Variants in PTPRT observed in about 807,000 individuals in gnomAD.
PTPRT encodes protein tyrosine phosphatase receptor type T.
In PTPRT, 56 loss-of-function variants were observed where a neutral mutation model predicts 176.8. That is an observed-to-expected ratio of 0.32 (90% CI 0.26 to 0.40). PTPRT has a LOEUF of 0.40. PTPRT is among the 10% of genes least tolerant of loss of function. The pLI is 1.00. For missense variants in PTPRT, 1,540 were observed against 1,908.2 expected (o/e 0.81, Z 3.60); for synonymous variants, 783 against 739.0 (o/e 1.06, Z -0.96).
At chr20:43,154,306 T>G (rs1242260265) in intron 1 of PTPRT, among the ~76,000 whole-genome samples, 2 of 152,198 alleles carry the variant, frequency 1.3e-5, no homozygotes, top group Non-Finnish European at 2.9e-5. Flanking sequence ...CTCTTGGCAC[T>G]TTTGTTGAAA....
At chr20:43,067,844 T>G (rs1485592923) in intron 1 of PTPRT, among the ~76,000 whole-genome samples, 1 of 145,824 alleles carries the variant, frequency 6.9e-6, no homozygotes, top group Non-Finnish European at 1.5e-5. Flanking sequence ...CACCCACCTG[T>G]AGACCCAGCT....
chr20:42,584,659 T>G (rs2073440699), intron 7 of PTPRT, among the ~76,000 whole-genome samples: 1 of 152,180 alleles, frequency 6.6e-6, no homozygotes, highest in South Asian at 2.1e-4. Flanking sequence ...TATTGTCTAT[T>G]TAGACCTCCT....
At chr20:43,058,225 GA>G (rs1264076486) in intron 1 of PTPRT, among the ~76,000 whole-genome samples, 6 of 151,610 alleles carry the variant, frequency 4.0e-5, no homozygotes, top group South Asian at 4.2e-4. Flanking sequence ...AAGAGGGGAG[GA>G]AAAAAAGAGC....
chr20:42,342,100 A>G (rs2058120476), intron 11 of PTPRT, among the ~76,000 whole-genome samples: 1 of 152,202 alleles, frequency 6.6e-6, no homozygotes, highest in Admixed American at 6.5e-5. Context: ...TTTCCTGAAC[A>G]ATCATCTAAT....
intron 12 of PTPRT, among the ~76,000 whole-genome samples, chr20:42,303,083 T>C (rs929405998): frequency 1.3e-5 from 2 of 152,148 alleles, no homozygotes; most frequent in Admixed American, 1.3e-4. Context: ...GACTTAGACT[T>C]TCTATTAGGA....
chr20:43,170,238 C>G (rs916463973), intron 1 of PTPRT, among the ~76,000 whole-genome samples: 1 of 152,014 alleles, frequency 6.6e-6, no homozygotes, highest in Non-Finnish European at 1.5e-5. Context: ...ATCATTTCCA[C>G]ACTATTTATT....
chr20:42,582,591 T>C (rs1305920723), intron 7 of PTPRT, among the ~76,000 whole-genome samples: 1 of 152,110 alleles, frequency 6.6e-6, no homozygotes, highest in African/African-American at 2.4e-5. Context: ...TGCAATCTGT[T>C]CACAAAAAGA....
At chr20:42,056,058 C>T in the PTPRT span, among the ~76,000 whole-genome samples, 2 of 152,172 alleles carry the variant, frequency 1.3e-5, no homozygotes, top group African/African-American at 4.8e-5. Context: ...TATCGTTCCT[C>T]TGAGGTCCTG....
At chr20:42,903,006 G>A (rs2079425795) in intron 1 of PTPRT, among the ~76,000 whole-genome samples, 1 of 152,138 alleles carries the variant, frequency 6.6e-6, no homozygotes, top group African/African-American at 2.4e-5. Flanking sequence ...ATACTAGTAG[G>A]GGAGATCAAC....
chr20:42,717,606 G>T (rs2076244859), intron 6 of PTPRT, among the ~76,000 whole-genome samples: 1 of 151,730 alleles, frequency 6.6e-6, no homozygotes, highest in African/African-American at 2.4e-5. Flanking sequence ...TTATTGTGGG[G>T]AACACAAGTA....
the PTPRT span, among the ~76,000 whole-genome samples, chr20:42,044,597 A>C: frequency 6.6e-6 from 1 of 152,256 alleles, no homozygotes; most frequent in Non-Finnish European, 1.5e-5. Context: ...TTATTAATAA[A>C]GAAGTTGATG....
intron 8 of PTPRT, among the ~76,000 whole-genome samples, chr20:42,454,365 G>T (rs1478380138): frequency 1.3e-5 from 2 of 152,152 alleles, no homozygotes; most frequent in African/African-American, 2.4e-5. Flanking sequence ...GGAAGAGAGG[G>T]TCTATTCCTA....
intron 7 of PTPRT, among the ~76,000 whole-genome samples, chr20:42,529,253 G>T (rs545105618): frequency 1.3e-5 from 2 of 152,084 alleles, no homozygotes; most frequent in African/African-American, 4.8e-5. Flanking sequence ...TTAAAAATCC[G>T]CTTGGTAAAG....
intron 8 of PTPRT, among the ~76,000 whole-genome samples, chr20:42,461,611 C>T (rs1228076752): frequency 2.0e-5 from 3 of 152,112 alleles, no homozygotes; most frequent in Non-Finnish European, 4.4e-5. Flanking sequence ...AAGCAAAGTA[C>T]AAAAAGTGTT....
chr20:43,044,938 C>A (rs1986774125), intron 1 of PTPRT, among the ~76,000 whole-genome samples: 1 of 152,184 alleles, frequency 6.6e-6, no homozygotes, highest in Non-Finnish European at 1.5e-5. Flanking sequence ...GCACTCAACG[C>A]TAAGGTTATT....
At chr20:42,424,268 C>A (rs2059144250) in intron 9 of PTPRT, among the ~76,000 whole-genome samples, 1 of 152,178 alleles carries the variant, frequency 6.6e-6, no homozygotes, top group Non-Finnish European at 1.5e-5. Context: ...GTCACAGGTG[C>A]ACTTTCTCTG....
chr20:42,708,581 GC>G (rs1277772932), intron 6 of PTPRT, among the ~76,000 whole-genome samples: 1 of 152,088 alleles, frequency 6.6e-6, no homozygotes, highest in Non-Finnish European at 1.5e-5. Context: ...TGTGTTAAGG[GC>G]CCAAGATAGC....
chr20:42,891,832 A>G (rs1030026060), intron 1 of PTPRT, among the ~76,000 whole-genome samples: 1 of 152,202 alleles, frequency 6.6e-6, no homozygotes, highest in Admixed American at 6.5e-5. Context: ...ATTAACGTAG[A>G]TGTAGGTGAC....
chr20:42,881,822 GAAGGAAC>G (rs2079017163), intron 2 of PTPRT, among the ~76,000 whole-genome samples: 1 of 151,548 alleles, frequency 6.6e-6, no homozygotes, highest in Non-Finnish European at 1.5e-5. Flanking sequence ...ATTCTGGTGA[GAAGGAAC>G]AAGGAACAAT....
Sources: gnomAD v4.1 joint callset for allele counts (sites outside exome capture counted in the v4.1 genomes callset) on GRCh38, gnomAD v4.1.1 for gene constraint, MANE v1.5 for transcripts, NCBI Gene and HGNC (gene_info 2026-07-23, HGNC 2026-07-21) for gene names.